SORCS2: variants seen among roughly 807,000 people sequenced by gnomAD.
The protein encoded by SORCS2 is sortilin related VPS10 domain containing receptor 2.
Under a neutral mutation model 141.6 loss-of-function variants are expected in SORCS2, and 100 were observed. That is an observed-to-expected ratio of 0.71 (90% CI 0.60 to 0.83). The LOEUF (loss-of-function observed/expected upper bound fraction) is 0.83. Among genes scored for constraint, SORCS2 ranks in the 40% least tolerant of loss-of-function variants. SORCS2 has a pLI of 0.00. For missense variants in SORCS2, 1,646 were observed against 1,560.2 expected, an observed-to-expected ratio of 1.05 and a Z score of -0.93; for synonymous variants, 789 against 676.9, an observed-to-expected ratio of 1.17 and a Z score of -2.57.
At chr4:7,392,580 G>A in intron 1 of SORCS2, among the ~76,000 whole-genome samples, 1 of 152,230 alleles carries the variant, frequency 6.6e-6, no homozygotes, top group Non-Finnish European at 1.5e-5. Context: ...AGCCTCAGGG[G>A]CGGGCAGGTT....
chr4:7,442,184 C>T (rs1428281332), intron 2 of SORCS2, among the ~76,000 whole-genome samples: 1 of 18,206 alleles, frequency 5.5e-5, no homozygotes, highest in African/African-American at 1.4e-4. Flanking sequence ...TCTCACAGCC[C>T]AGGTCACCAT....
chr4:7,635,299 C>T (rs543940494), intron 3 of SORCS2, among the ~76,000 whole-genome samples: 3 of 152,152 alleles, frequency 2.0e-5, no homozygotes, highest in Admixed American at 6.5e-5. Context: ...CCTGACCATC[C>T]GTGTGACCTC....
At chr4:7,493,203 C>G (rs545277518) in intron 2 of SORCS2, among the ~76,000 whole-genome samples, 135 of 152,272 alleles carry the variant, frequency 8.9e-4, no homozygotes, top group Admixed American at 4.1e-3. Context: ...TGGGACCCAG[C>G]CTGGAAGTAG....
intron 2 of SORCS2, among the ~76,000 whole-genome samples, chr4:7,470,575 A>T (rs578182211): frequency 6.6e-6 from 1 of 152,338 alleles, no homozygotes; most frequent in Non-Finnish European, 1.5e-5. Flanking sequence ...AGAACCCGGT[A>T]GCTGCTGTGA....
chr4:7,682,951 A>C (rs1282516058), intron 10 of SORCS2, 62 bp downstream of exon 10: 1 of 1,563,894 alleles, frequency 6.4e-7, no homozygotes, highest in African/African-American at 1.4e-5. Context: ...TAACTTCAGT[A>C]ATCAAGAAGG....
chr4:7,711,675 A>G (rs1362279044), intron 14 of SORCS2, among the ~76,000 whole-genome samples: 2 of 152,218 alleles, frequency 1.3e-5, no homozygotes, highest in East Asian at 1.9e-4. Flanking sequence ...TGATGGGCAC[A>G]CAGCAATGAC....
chr4:7,518,098 G>A (rs1019142137), intron 2 of SORCS2, among the ~76,000 whole-genome samples: 1 of 152,244 alleles, frequency 6.6e-6, no homozygotes, highest in Non-Finnish European at 1.5e-5. Context: ...GGAGGCAGTG[G>A]ACCTGGTGGA....
At chr4:7,458,703 G>A (rs527889756) in intron 2 of SORCS2, among the ~76,000 whole-genome samples, 1 of 152,296 alleles carries the variant, frequency 6.6e-6, no homozygotes, top group African/African-American at 2.4e-5. Flanking sequence ...TCAGGTGACC[G>A]AGACAAGGTC....
chr4:7,332,547 G>A (rs971623074), intron 1 of SORCS2, among the ~76,000 whole-genome samples: 1 of 152,212 alleles, frequency 6.6e-6, no homozygotes, highest in South Asian at 2.1e-4. Flanking sequence ...CACTCTCCGG[G>A]CTGGGCATGT....
intron 10 of SORCS2, among the ~76,000 whole-genome samples, chr4:7,685,396 G>A (rs1723811244): frequency 6.6e-6 from 1 of 152,164 alleles, no homozygotes; most frequent in African/African-American, 2.4e-5. Context: ...TCACGGGCTG[G>A]GCACAGTGGC....
chr4:7,639,428 G>C (rs1720489912), intron 4 of SORCS2, among the ~76,000 whole-genome samples: 2 of 148,716 alleles, frequency 1.3e-5, no homozygotes, highest in South Asian at 4.3e-4. Context: ...GTGTGTGTAT[G>C]CACACTTGTA....
chr4:7,668,128 C>G (rs566679443), intron 8 of SORCS2, among the ~76,000 whole-genome samples: 44 of 152,286 alleles, frequency 2.9e-4, no homozygotes, highest in African/African-American at 1.1e-3. Flanking sequence ...AATCAGAAGC[C>G]CCAGGTTCCT....
intron 1 of SORCS2, among the ~76,000 whole-genome samples, chr4:7,329,664 G>A (rs149124548): frequency 3.9e-4 from 59 of 152,306 alleles, no homozygotes; most frequent in Non-Finnish European, 6.6e-4. Context: ...ACAAATGCCC[G>A]CAAACTTACT....
At chr4:7,396,913 T>C (rs1375211264) in intron 2 of SORCS2, among the ~76,000 whole-genome samples, 4 of 152,196 alleles carry the variant, frequency 2.6e-5, no homozygotes, top group African/African-American at 9.7e-5. Context: ...GAAGGAGGAT[T>C]TGAGAACCCA....
intron 3 of SORCS2, among the ~76,000 whole-genome samples, chr4:7,609,495 C>T (rs187516725): frequency 4.6e-5 from 7 of 152,210 alleles, no homozygotes; most frequent in African/African-American, 1.7e-4. Context: ...CTGTGACCTC[C>T]CCCGTCCAGC....
In SORCS2 at chr4:7,737,080, G is replaced by T. The variant is rs1179074048; in HGVS notation, c.3323G>T (p.Gly1108Val). The T allele has an allele frequency of 6.4e-7, 1 of 1,551,270 alleles. No homozygotes were observed. The highest frequency in any genetic ancestry group is 2.0e-5 in the Admixed American group (1 of 51,012). ...CCTCTGTCCAGCAGGAAACGGCCAG[G>T]CAGGACCGTGTACGCCCAAATGCAC... ...ILYKFKRKRPGRTVYAQMHNE... is the reference protein window; with the variant it reads ...ILYKFKRKRPVRTVYAQMHNE... Residue 1108 changes from glycine to valine, a missense_variant, in exon 26 of 27, where the codon GGC (glycine) becomes GTC (valine). Coordinates refer to ENST00000507866, the MANE Select transcript of SORCS2 (RefSeq NM_020777.3).
At chr4:7,307,282 C>G (rs1717896037) in intron 1 of SORCS2, among the ~76,000 whole-genome samples, 1 of 152,242 alleles carries the variant, frequency 6.6e-6, no homozygotes, top group South Asian at 2.1e-4. Context: ...CTGGAAGATT[C>G]CATGCATGAC....
chr4:7,333,504 C>T (rs1033999620), intron 1 of SORCS2, among the ~76,000 whole-genome samples: 10 of 152,198 alleles, frequency 6.6e-5, no homozygotes, highest in African/African-American at 2.4e-4. Context: ...AGGAGGGGCT[C>T]ACTCGGGGGA....
intron 1 of SORCS2, among the ~76,000 whole-genome samples, chr4:7,380,948 G>GGT (rs1284309627): frequency 2.0e-5 from 3 of 152,110 alleles, no homozygotes; most frequent in Non-Finnish European, 4.4e-5. Flanking sequence ...TGGGTGTGGT[G>GGT]GCAGGTGCCT....
Sources: allele counts gnomAD v4.1 joint callset (sites outside exome capture counted in the v4.1 genomes callset), GRCh38; gene constraint gnomAD v4.1.1; transcripts MANE v1.5; gene names NCBI Gene and HGNC (gene_info 2026-07-23, HGNC 2026-07-21).